Variants in PTPRD observed in about 807,000 individuals in gnomAD.
PTPRD encodes receptor-type tyrosine-protein phosphatase delta.
A neutral mutation model predicts 214.5 loss-of-function variants in PTPRD; 34 were observed. The ratio of observed to expected loss-of-function variants is 0.16; its 90% CI spans 0.12 to 0.21. PTPRD has a LOEUF of 0.21. Ranked by LOEUF, PTPRD falls within the 10% of genes least tolerant of loss-of-function variation. The pLI, the probability that PTPRD is intolerant of heterozygous loss-of-function variation, is 1.00. For synonymous variants in PTPRD, 1,128 were observed against 845.7 expected, an observed-to-expected ratio of 1.33 and a Z score of -5.79; for missense variants, 2,545 against 2,398.7, an observed-to-expected ratio of 1.06 and a Z score of -1.27.
At chr9:10,323,995 ATT>A (rs1395465709) in intron 3 of PTPRD, among the ~76,000 whole-genome samples, 3 of 152,200 alleles carry the variant, frequency 2.0e-5, no homozygotes, top group African/African-American at 7.2e-5. Flanking sequence ...AAATTGGATA[ATT>A]GCCTTCCATT....
At chr9:10,326,261 T>C (rs958868780) in intron 3 of PTPRD, among the ~76,000 whole-genome samples, 1 of 151,022 alleles carries the variant, frequency 6.6e-6, no homozygotes, top group Non-Finnish European at 1.5e-5. Context: ...AAAATGCTAA[T>C]GTCCAAAAAA....
chr9:8,567,790 C>A (rs2089850424), intron 14 of PTPRD, among the ~76,000 whole-genome samples: 1 of 152,058 alleles, frequency 6.6e-6, no homozygotes, highest in Non-Finnish European at 1.5e-5. Context: ...CTCTCTCTTA[C>A]AAATAACATA....
intron 7 of PTPRD, among the ~76,000 whole-genome samples, chr9:9,685,228 T>C (rs2154400026): frequency 6.7e-6 from 1 of 150,138 alleles, no homozygotes; most frequent in East Asian, 2.0e-4. Flanking sequence ...ATTAAATGTG[T>C]GGTTATTTTT....
At chr9:9,442,673 T>G (rs1266210013) in intron 8 of PTPRD, among the ~76,000 whole-genome samples, 3 of 152,194 alleles carry the variant, frequency 2.0e-5, no homozygotes, top group Non-Finnish European at 4.4e-5. Flanking sequence ...GATGTTCTAT[T>G]ATATTTTCAA....
intron 39 of PTPRD, among the ~76,000 whole-genome samples, chr9:8,373,165 G>A (rs963529252): frequency 6.6e-6 from 1 of 151,948 alleles, no homozygotes; most frequent in South Asian, 2.1e-4. Flanking sequence ...TTTCTGGGAT[G>A]CTACACGGAT....
chr9:9,844,200 G>A (rs534429417), intron 5 of PTPRD, among the ~76,000 whole-genome samples: 2 of 151,754 alleles, frequency 1.3e-5, no homozygotes, highest in East Asian at 3.9e-4. Context: ...AATTTTAATT[G>A]ACAAAGACTG....
chr9:8,463,645 T>C (rs1018837375), intron 32 of PTPRD, among the ~76,000 whole-genome samples: 1 of 151,942 alleles, frequency 6.6e-6, no homozygotes, highest in East Asian at 1.9e-4. Flanking sequence ...AATCATAAAA[T>C]GATACCAGCC....
intron 2 of PTPRD, among the ~76,000 whole-genome samples, chr9:10,531,017 G>C (rs1282798711): frequency 1.3e-5 from 2 of 151,558 alleles, no homozygotes; most frequent in Non-Finnish European, 2.9e-5. Context: ...CTGTGCGATT[G>C]TGGCTCACTC....
chr9:9,743,595 G>T, intron 6 of PTPRD, among the ~76,000 whole-genome samples: 1 of 151,816 alleles, frequency 6.6e-6, no homozygotes, highest in East Asian at 1.9e-4. Flanking sequence ...GACACTACCT[G>T]TTCACAATCC....
At chr9:10,439,771 G>C (rs777828715) in intron 2 of PTPRD, among the ~76,000 whole-genome samples, 1 of 151,694 alleles carries the variant, frequency 6.6e-6, no homozygotes, top group African/African-American at 2.4e-5. Flanking sequence ...CTCTGTGATG[G>C]TGGTGGGAGG....
chr9:9,633,315 A>C (rs2095652375), intron 7 of PTPRD, among the ~76,000 whole-genome samples: 1 of 152,060 alleles, frequency 6.6e-6, no homozygotes, highest in Non-Finnish European at 1.5e-5. Flanking sequence ...GAAAAAAAAA[A>C]AGAAAGAAAA....
intron 3 of PTPRD, among the ~76,000 whole-genome samples, chr9:10,173,426 G>A (rs1421898518): frequency 1.3e-5 from 2 of 152,270 alleles, no homozygotes; most frequent in Middle Eastern, 3.4e-3. Flanking sequence ...CTAGTAAGAT[G>A]TAGGGTCAGA....
At chr9:9,776,409 TATCTTC>T (rs1489221824) in intron 5 of PTPRD, among the ~76,000 whole-genome samples, 2 of 152,192 alleles carry the variant, frequency 1.3e-5, no homozygotes, top group African/African-American at 4.8e-5. Context: ...TACTGATCTG[TATCTTC>T]CATTATACTT....
chr9:10,338,572 T>C (rs901089488), intron 3 of PTPRD, among the ~76,000 whole-genome samples: 1 of 151,780 alleles, frequency 6.6e-6, no homozygotes, highest in African/African-American at 2.4e-5. Flanking sequence ...TAGTGTTATC[T>C]TTCTTTCCCA....
At chr9:10,323,553 G>A (rs2096592810) in intron 3 of PTPRD, among the ~76,000 whole-genome samples, 1 of 151,486 alleles carries the variant, frequency 6.6e-6, no homozygotes, top group African/African-American at 2.4e-5. Context: ...AGATCCTCCT[G>A]CCTCGGCCTC....
chr9:9,035,909 A>G (rs2099620219), intron 10 of PTPRD, among the ~76,000 whole-genome samples: 1 of 152,100 alleles, frequency 6.6e-6, no homozygotes, highest in African/African-American at 2.4e-5. Context: ...AAACATATAG[A>G]AAGATATTTG....
At chr9:10,560,131 CACAATAGCAAAGACATGGA>C (rs2063544115) in intron 2 of PTPRD, among the ~76,000 whole-genome samples, 1 of 152,074 alleles carries the variant, frequency 6.6e-6, no homozygotes, top group Non-Finnish European at 1.5e-5. Context: ...CGGCACTATT[CACAATAGCAAAGACATGGA>C]ACCAACCCAA....
chr9:8,314,436 A>AT lies in PTPRD; in HGVS notation c.*3437dup. 2 of 231,004 alleles carry AT rather than the reference A, an allele frequency of 8.7e-6. No homozygotes were observed. Among genetic ancestry groups the AT allele is most frequent in the Non-Finnish European group, 1.7e-5 (2 of 116,316 alleles). The allele number at this position is 231,004 out of a possible 1,614,324, so 14.3% of individuals were successfully genotyped here. A position where few individuals can be genotyped will look rare whatever the true frequency, so the allele number is the denominator to read the frequency against. On this transcript the variant is annotated 3_prime_UTR_variant, in exon 46 of 46. Coordinates refer to ENST00000381196, the MANE Select transcript of PTPRD (RefSeq NM_002839.4). ...AGGTAATTGTATTTTTTAACAAGCC[A>AT]TTTTACAAGTTATTTGTTTTAATTT...
intron 8 of PTPRD, among the ~76,000 whole-genome samples, chr9:9,402,213 G>C (rs1444326184): frequency 6.6e-6 from 1 of 151,970 alleles, no homozygotes; most frequent in African/African-American, 2.4e-5. Flanking sequence ...AAAAAATATA[G>C]TACAGAAATG....
Sources: gnomAD v4.1 joint callset for allele counts (sites outside exome capture counted in the v4.1 genomes callset) on GRCh38, gnomAD v4.1.1 for gene constraint, MANE v1.5 for transcripts, NCBI Gene and HGNC (gene_info 2026-07-23, HGNC 2026-07-21) for gene names.